The following HHLA2 variants were observed in gnomAD, a reference collection of about 807,000 sequenced individuals.
HHLA2 encodes HHLA2 member of B7 family, also known as HERV-H LTR-associating protein 2.
In HHLA2, 48 loss-of-function variants were observed where a neutral mutation model predicts 45.9. The observed-to-expected ratio is 1.05, with a 90% confidence interval of 0.83 to 1.33. HHLA2 has a LOEUF of 1.33. HHLA2 is among the 40% of genes most tolerant of loss of function. The pLI is 0.00. For missense variants in HHLA2, 462 were observed against 494.3 expected (o/e 0.93, Z 0.62); for synonymous variants, 161 against 173.9 (o/e 0.93, Z 0.59).
intron 3 of HHLA2, among the ~76,000 whole-genome samples, chr3:108,330,334 C>T (rs1221380420): frequency 6.6e-6 from 1 of 152,068 alleles, no homozygotes; most frequent in African/African-American, 2.4e-5. Context: ...CTAAGGTGGC[C>T]CCCAAGATTC....
chr3:108,348,571 C>A (rs1188899319), intron 3 of HHLA2, among the ~76,000 whole-genome samples: 1 of 151,648 alleles, frequency 6.6e-6, no homozygotes, highest in Non-Finnish European at 1.5e-5. Context: ...GCTTTTATGC[C>A]TATAGAATTG....
At chr3:108,333,383 C>T (rs1008586225) in intron 3 of HHLA2, among the ~76,000 whole-genome samples, 5 of 152,138 alleles carry the variant, frequency 3.3e-5, no homozygotes, top group Non-Finnish European at 5.9e-5. Flanking sequence ...GCCAATGGCT[C>T]TTACCCATAG....
intron 2 of HHLA2, among the ~76,000 whole-genome samples, chr3:108,328,052 G>A (rs927626980): frequency 6.6e-6 from 1 of 152,116 alleles, no homozygotes; most frequent in Non-Finnish European, 1.5e-5. Flanking sequence ...AGAATCACTT[G>A]AACCCGGGAG....
chr3:108,334,935 T>C (rs2081445816), intron 3 of HHLA2, among the ~76,000 whole-genome samples: 1 of 152,160 alleles, frequency 6.6e-6, no homozygotes. Context: ...AGGTGGTGAT[T>C]CTCACTGCAA....
At chr3:108,359,212 A>C (rs1299367049) in intron 7 of HHLA2, among the ~76,000 whole-genome samples, 2 of 152,184 alleles carry the variant, frequency 1.3e-5, no homozygotes, top group Non-Finnish European at 2.9e-5. Flanking sequence ...AAATGTCCTA[A>C]AGACTACATA....
At chr3:108,346,264 C>T (rs934151837) in intron 3 of HHLA2, among the ~76,000 whole-genome samples, 1 of 152,172 alleles carries the variant, frequency 6.6e-6, no homozygotes, top group African/African-American at 2.4e-5. Flanking sequence ...CACTGTGAAA[C>T]ATCAGGAGAG....
chr3:108,357,402 A>C, intron 6 of HHLA2, among the ~76,000 whole-genome samples: 1 of 152,172 alleles, frequency 6.6e-6, no homozygotes, highest in East Asian at 1.9e-4. Flanking sequence ...GTCTAGAAAA[A>C]GAGATTAAGA....
At chr3:108,329,071 GC>G (rs1211771519) in intron 3 of HHLA2, among the ~76,000 whole-genome samples, 1 of 152,138 alleles carries the variant, frequency 6.6e-6, no homozygotes, top group African/African-American at 2.4e-5. Context: ...TGTTTGATTA[GC>G]TAAGTTAGGA....
intron 1 of HHLA2, among the ~76,000 whole-genome samples, chr3:108,301,378 G>A (rs747579086): frequency 2.0e-5 from 3 of 152,136 alleles, no homozygotes; most frequent in Non-Finnish European, 4.4e-5. Flanking sequence ...TGAATACTAA[G>A]TATGTATAGG....
intron 9 of HHLA2, 55 bp from the exon 9 acceptor site, chr3:108,376,438 G>T: frequency 7.2e-7 from 1 of 1,395,384 alleles, no homozygotes; most frequent in South Asian, 1.3e-5. Flanking sequence ...GACTAAGGGA[G>T]AATTTTGGTG....
At chr3:108,369,491 G>A (rs1412186471) in intron 8 of HHLA2, among the ~76,000 whole-genome samples, 1 of 152,188 alleles carries the variant, frequency 6.6e-6, no homozygotes. Context: ...AGTGCACCAT[G>A]TGTGAGCCAA....
At chr3:108,312,173 C>T (rs984272153) in intron 2 of HHLA2, among the ~76,000 whole-genome samples, 2 of 152,230 alleles carry the variant, frequency 1.3e-5, no homozygotes, top group Non-Finnish European at 2.9e-5. Flanking sequence ...ACGGTCCAGA[C>T]TCTCACCAGT....
intron 7 of HHLA2, among the ~76,000 whole-genome samples, chr3:108,360,083 A>G (rs1051558773): frequency 1.4e-5 from 2 of 139,848 alleles, no homozygotes; most frequent in African/African-American, 5.6e-5. Context: ...TTTCAGTCCA[A>G]GCTGATTTCT....
rs2081087722 is a variant in HHLA2, at chr3:108,315,582, T to C, written c.-105+4841T>C. 2.0e-5 allele frequency among the ~76,000 whole-genome samples: 3 copies of C among 152,258 alleles called. 1 individual carries two copies. Among genetic ancestry groups the C allele is most frequent in the South Asian group, 4.1e-4 (2 of 4,830 alleles). On this transcript the variant is annotated intron_variant, in intron 2 of 10. Coordinates refer to ENST00000619531, the Ensembl canonical transcript of HHLA2. ...TTTACCAAACTAGAGATAGCTACTC[T>C]AATCCATTTAGAATGTTAAGAGCAG...
chr3:108,309,485 A>T (rs1560187285), intron 1 of HHLA2, among the ~76,000 whole-genome samples: 1 of 152,094 alleles, frequency 6.6e-6, no homozygotes, highest in East Asian at 1.9e-4. Context: ...TGGCTCTGGT[A>T]GCAGTTAGGT....
At chr3:108,362,290 C>G in intron 7 of HHLA2, 52 bp from the exon 7 acceptor site, 1 of 1,334,866 alleles carries the variant, frequency 7.5e-7, no homozygotes, top group Non-Finnish European at 1.1e-6. Context: ...CATTTCTTAT[C>G]TGGTAATTTT....
intron 1 of HHLA2, among the ~76,000 whole-genome samples, chr3:108,308,551 T>C (rs1259507575): frequency 6.6e-6 from 1 of 152,232 alleles, no homozygotes; most frequent in Non-Finnish European, 1.5e-5. Flanking sequence ...TGCTGGATCA[T>C]ACAGTAGTTC....
chr3:108,358,764 C>A (rs2081941318), intron 7 of HHLA2, among the ~76,000 whole-genome samples: 1 of 152,210 alleles, frequency 6.6e-6, no homozygotes, highest in African/African-American at 2.4e-5. Context: ...TGGTCCCACC[C>A]TTAAACTATC....
At chr3:108,365,185 G>A (rs2082044135) in intron 8 of HHLA2, among the ~76,000 whole-genome samples, 1 of 152,190 alleles carries the variant, frequency 6.6e-6, no homozygotes. Flanking sequence ...AAGGTGTAAG[G>A]AAGGGGTCTA....
Sources: gnomAD v4.1 joint callset for allele counts (sites outside exome capture counted in the v4.1 genomes callset) on GRCh38, gnomAD v4.1.1 for gene constraint, MANE v1.5 for transcripts, NCBI Gene and HGNC (gene_info 2026-07-23, HGNC 2026-07-21) for gene names.